EPB41L1: variants seen among roughly 807,000 people sequenced by gnomAD.
EPB41L1 encodes the protein band 4.1-like protein 1.
Under a neutral mutation model 97.8 loss-of-function variants are expected in EPB41L1, and 29 were observed. The ratio of observed to expected loss-of-function variants is 0.30; its 90% CI spans 0.22 to 0.40. The LOEUF (loss-of-function observed/expected upper bound fraction) is 0.40. Among genes scored for constraint, EPB41L1 ranks in the 10% least tolerant of loss-of-function variants. The probability of loss-of-function intolerance (pLI) is 1.00; values close to 1 mark genes in which losing one functional copy is unlikely to be tolerated. For missense variants in EPB41L1, 812 were observed against 1,162.3 expected, an observed-to-expected ratio of 0.70 and a Z score of 4.38; for synonymous variants, 383 against 459.2, an observed-to-expected ratio of 0.83 and a Z score of 2.12.
At chr20:36,108,155 T>C (rs1446145200) in intron 1 of EPB41L1, among the ~76,000 whole-genome samples, 1 of 151,764 alleles carries the variant, frequency 6.6e-6, no homozygotes, top group Non-Finnish European at 1.5e-5. Context: ...AATTTTTTTA[T>C]TTTTTGTAGA....
At chr20:36,204,866 C>T (rs1228597458) in intron 14 of EPB41L1, among the ~76,000 whole-genome samples, 2 of 151,776 alleles carry the variant, frequency 1.3e-5, no homozygotes, top group Non-Finnish European at 2.9e-5. Context: ...TGGTCTTGAT[C>T]TCTTGACCTC....
At chr20:36,197,006 C>T (rs554412626) in intron 13 of EPB41L1, among the ~76,000 whole-genome samples, 2 of 152,356 alleles carry the variant, frequency 1.3e-5, no homozygotes, top group East Asian at 1.9e-4. Flanking sequence ...GTGGGACTTA[C>T]TGCTCTTCTT....
At chr20:36,198,498 A>G (rs1041236990) in intron 14 of EPB41L1, among the ~76,000 whole-genome samples, 2 of 152,188 alleles carry the variant, frequency 1.3e-5, no homozygotes, top group Non-Finnish European at 2.9e-5. Flanking sequence ...TTGTGAAAAC[A>G]CGGATCGGGG....
chr20:36,170,214 A>G (rs1223016309), intron 1 of EPB41L1, among the ~76,000 whole-genome samples: 1 of 152,006 alleles, frequency 6.6e-6, no homozygotes, highest in East Asian at 1.9e-4. Context: ...TCTCCTTCTC[A>G]TACTGCCATA....
Position 36,154,757 on chromosome 20 carries a change from G to C in EPB41L1, c.-154G>C, listed in dbSNP as rs2060216376. 1 of 986,614 alleles carries C rather than the reference G, an allele frequency of 1.0e-6. No homozygotes were observed. The highest frequency in any genetic ancestry group is 1.2e-6 in the Non-Finnish European group (1 of 830,906). 61.1% of individuals were successfully genotyped at this position (986,614 alleles called of 1,614,324 possible). A position where few individuals can be genotyped will look rare whatever the true frequency, so the allele number is the denominator to read the frequency against. On this transcript the variant is annotated 5_prime_UTR_variant, in exon 1 of 22. Transcript: ENST00000338074. The surrounding 1 kb of genome is among the most constrained non-coding windows in gnomAD (Gnocchi z 5.5). ...GCTGCTGCAGTCGGCATCCATCAGC[G>C]GGCGGGGGTGTCGCCGAACAGGCTG...
chr20:36,096,878 C>A (rs2057848263), intron 1 of EPB41L1, among the ~76,000 whole-genome samples: 1 of 152,168 alleles, frequency 6.6e-6, no homozygotes, highest in South Asian at 2.1e-4. Flanking sequence ...TAAATGATAC[C>A]CAAAGTTTCG....
At chr20:36,178,524 C>A in intron 4 of EPB41L1, 106 bp from the exon 5 acceptor site, 2 of 1,157,072 alleles carry the variant, frequency 1.7e-6, no homozygotes, top group South Asian at 1.2e-5. Flanking sequence ...GAAGGGCGTT[C>A]CCTACAAGGG....
At chr20:36,157,024 G>A (rs2060332796) in intron 1 of EPB41L1, among the ~76,000 whole-genome samples, 1 of 152,130 alleles carries the variant, frequency 6.6e-6, no homozygotes, top group African/African-American at 2.4e-5. Context: ...AAGAGATGAA[G>A]ACCATCCTGG....
intron 15 of EPB41L1, among the ~76,000 whole-genome samples, chr20:36,210,768 C>T (rs909048384): frequency 3.3e-5 from 5 of 152,228 alleles, no homozygotes; most frequent in Non-Finnish European, 7.3e-5. Flanking sequence ...TGCTCCAGCA[C>T]TATCCAAAGC....
At chr20:36,205,289 G>A (rs989324479) in intron 14 of EPB41L1, among the ~76,000 whole-genome samples, 5 of 152,200 alleles carry the variant, frequency 3.3e-5, no homozygotes, top group African/African-American at 9.7e-5. Flanking sequence ...AAATAAGTTA[G>A]CAAAGATCTC....
rs1421957910 is a variant in EPB41L1, at chr20:36,207,047, A to AG, written c.1669-2439dup. The AG allele has an allele frequency of 1.6e-6, 2 of 1,289,786 alleles. No homozygotes were observed. Among genetic ancestry groups the AG allele is most frequent in the Non-Finnish European group, 2.0e-6 (2 of 988,842 alleles). 79.9% of individuals were successfully genotyped at this position (1,289,786 alleles called of 1,614,324 possible). A position where few individuals can be genotyped will look rare whatever the true frequency, so the allele number is the denominator to read the frequency against. On this transcript the variant is annotated intron_variant, in intron 14 of 21. Transcript: ENST00000338074. The surrounding 1 kb of genome is among the most constrained non-coding windows in gnomAD (Gnocchi z 4.9). ...GGAGGGGCTGAGCTGAAGGACCGCG[A>AG]GGCTTCAGCATTTCTTCACATGGAG...
intron 2 of EPB41L1, among the ~76,000 whole-genome samples, chr20:36,118,068 A>C (rs1203867353): frequency 1.3e-5 from 2 of 152,230 alleles, no homozygotes; most frequent in African/African-American, 4.8e-5. Context: ...CTGAGGGAAT[A>C]GACAGGGAAA....
intron 1 of EPB41L1, among the ~76,000 whole-genome samples, chr20:36,168,417 G>A (rs2060828375): frequency 6.6e-6 from 1 of 152,106 alleles, no homozygotes; most frequent in African/African-American, 2.4e-5. Context: ...ATTTGTTGTG[G>A]GTGGACACTT....
intron 13 of EPB41L1, among the ~76,000 whole-genome samples, chr20:36,197,075 C>T (rs1031814047): frequency 6.6e-6 from 1 of 152,134 alleles, no homozygotes; most frequent in African/African-American, 2.4e-5. Context: ...GTTTCTCTAT[C>T]TGGCTGTATC....
chr20:36,105,479 C>T (rs993938741), intron 1 of EPB41L1, among the ~76,000 whole-genome samples: 21 of 152,128 alleles, frequency 1.4e-4, no homozygotes, highest in Admixed American at 2.0e-4. Flanking sequence ...ATTGAGCGGG[C>T]CTGTTTTCTT....
At chr20:36,114,918 G>A (rs1247933815) in intron 2 of EPB41L1, among the ~76,000 whole-genome samples, 2 of 152,074 alleles carry the variant, frequency 1.3e-5, no homozygotes, top group African/African-American at 2.4e-5. Flanking sequence ...GGAGTAGAAG[G>A]CTGTTGGCAG....
At chr20:36,142,766 G>A (rs1035683714) in intron 2 of EPB41L1, among the ~76,000 whole-genome samples, 7 of 152,196 alleles carry the variant, frequency 4.6e-5, no homozygotes, top group Non-Finnish European at 1.0e-4. Flanking sequence ...GTGTTGGCCC[G>A]ACTGTATTGG....
At chr20:36,161,036 C>T (rs577700629) in intron 1 of EPB41L1, among the ~76,000 whole-genome samples, 2 of 152,292 alleles carry the variant, frequency 1.3e-5, no homozygotes, top group East Asian at 3.9e-4. Context: ...ACCATGAGAC[C>T]GTGAGAGTTG....
chr20:36,190,270 T>G lies in EPB41L1; in HGVS notation c.1027-7T>G, dbSNP rs771913953. Reference sequence around the variant, plus strand: ...CCTGCCTCTAACCTGCCCTTTTGGTTTTCCAGTATGAGCAATTTGAGAGCA... The same window carrying G: ...CCTGCCTCTAACCTGCCCTTTTGGTGTTCCAGTATGAGCAATTTGAGAGCA... On this transcript the variant is annotated splice_polypyrimidine_tract_variant and splice_region_variant and intron_variant, in intron 9 of 21. Transcript: ENST00000338074. The surrounding 1 kb of genome is among the most constrained non-coding windows in gnomAD (Gnocchi z 5.8). The G allele has an allele frequency of 1.9e-6, 3 of 1,613,986 alleles. No individual in the cohort carries two copies. Among genetic ancestry groups the G allele is most frequent in the African/African-American group, 2.7e-5 (2 of 75,056 alleles).
Sources: allele counts gnomAD v4.1 joint callset (sites outside exome capture counted in the v4.1 genomes callset), GRCh38; gene constraint gnomAD v4.1.1; non-coding constraint Gnocchi (gnomAD v3.1); transcripts MANE v1.5; gene names NCBI Gene and HGNC (gene_info 2026-07-23, HGNC 2026-07-21).